The following CCSER1 variants were observed in gnomAD, a reference collection of about 807,000 sequenced individuals.
The protein encoded by CCSER1 is serine-rich coiled-coil domain-containing protein 1.
A neutral mutation model predicts 82.0 loss-of-function variants in CCSER1; 41 were observed. The observed-to-expected ratio is 0.50, with a 90% confidence interval of 0.39 to 0.65. CCSER1 has a LOEUF of 0.65. Among genes scored for constraint, CCSER1 ranks in the 30% least tolerant of loss-of-function variants. CCSER1 has a pLI of 0.00. For synonymous variants in CCSER1, 414 were observed against 383.9 expected (o/e 1.08, Z -0.92); for missense variants, 1,119 against 1,064.2 (o/e 1.05, Z -0.72).
intron 10 of CCSER1, among the ~76,000 whole-genome samples, chr4:91,440,149 C>A (rs1472302907): frequency 6.6e-6 from 1 of 152,152 alleles, no homozygotes; most frequent in Non-Finnish European, 1.5e-5. Flanking sequence ...CACCCCAAAT[C>A]AACAGAATAT....
chr4:90,957,196 G>A (rs1333245307), intron 9 of CCSER1, among the ~76,000 whole-genome samples: 22 of 136,018 alleles, frequency 1.6e-4, no homozygotes, highest in South Asian at 7.1e-4. Context: ...TCTGCCTCCC[G>A]GGTTCAAGCA....
At chr4:91,320,629 G>A (rs572647116) in intron 10 of CCSER1, among the ~76,000 whole-genome samples, 20 of 152,012 alleles carry the variant, frequency 1.3e-4, no homozygotes, top group African/African-American at 4.6e-4. Context: ...TTTGTTTCTG[G>A]CTCACTAGAG....
At chr4:91,139,003 T>C (rs72669231) in intron 10 of CCSER1, among the ~76,000 whole-genome samples, 4,137 of 152,282 alleles carry the variant, frequency 0.027, 71 homozygotes, top group Middle Eastern at 0.044. Context: ...TAGTACATCA[T>C]AGGTAGCTTT....
intron 6 of CCSER1, among the ~76,000 whole-genome samples, chr4:90,688,180 A>G (rs1735165903): frequency 6.6e-6 from 1 of 152,150 alleles, no homozygotes; most frequent in Non-Finnish European, 1.5e-5. Context: ...ATACTTCATT[A>G]GGGAATGAGA....
chr4:91,206,031 A>C (rs1333308322), intron 10 of CCSER1, among the ~76,000 whole-genome samples: 1 of 151,896 alleles, frequency 6.6e-6, no homozygotes, highest in Non-Finnish European at 1.5e-5. Context: ...GCGTAAGCTA[A>C]TACAGACATC....
At chr4:91,332,002 T>A (rs1269651942) in intron 10 of CCSER1, among the ~76,000 whole-genome samples, 1 of 152,144 alleles carries the variant, frequency 6.6e-6, no homozygotes, top group Non-Finnish European at 1.5e-5. Context: ...CAATTTGATG[T>A]CAATATAAAT....
chr4:91,010,910 G>A (rs926099322), intron 9 of CCSER1, among the ~76,000 whole-genome samples: 6 of 134,600 alleles, frequency 4.5e-5, no homozygotes, highest in African/African-American at 1.5e-4. Context: ...CTGGAAATTT[G>A]TAGATTTATT....
intron 10 of CCSER1, among the ~76,000 whole-genome samples, chr4:91,360,926 G>A (rs1471965476): frequency 2.0e-5 from 3 of 151,790 alleles, no homozygotes; most frequent in Non-Finnish European, 4.4e-5. Flanking sequence ...AATATGCCAG[G>A]AAGACTGATT....
At chr4:90,240,957 G>A (rs987834424) in intron 1 of CCSER1, among the ~76,000 whole-genome samples, 1 of 152,152 alleles carries the variant, frequency 6.6e-6, no homozygotes, top group African/African-American at 2.4e-5. Context: ...GAGTGTTTGA[G>A]CAGCTTTAGT....
chr4:90,906,913 T>TTG (rs1211078869), intron 8 of CCSER1, among the ~76,000 whole-genome samples: 1 of 152,124 alleles, frequency 6.6e-6, no homozygotes, highest in African/African-American at 2.4e-5. Flanking sequence ...TCCAAATTCA[T>TTG]TGTGTGTGTG....
intron 10 of CCSER1, among the ~76,000 whole-genome samples, chr4:91,182,727 A>G (rs1734157623): frequency 6.6e-6 from 1 of 152,232 alleles, no homozygotes; most frequent in South Asian, 2.1e-4. Context: ...ACACAGGCGG[A>G]AGACTCTCCT....
chr4:90,995,833 G>A (rs945982537), intron 9 of CCSER1, among the ~76,000 whole-genome samples: 4 of 151,824 alleles, frequency 2.6e-5, no homozygotes, highest in Non-Finnish European at 5.9e-5. Context: ...ACTCACAACT[G>A]GTCCTTAAAC....
intron 6 of CCSER1, among the ~76,000 whole-genome samples, chr4:90,665,244 AT>A (rs1731510580): frequency 6.6e-6 from 1 of 151,948 alleles, no homozygotes; most frequent in Non-Finnish European, 1.5e-5. Context: ...TATGTCATGT[AT>A]TTTCTGCGCT....
At position 90,458,889 on chromosome 4, in the gene CCSER1, A is replaced by G. The variant is rs1244076411; in HGVS notation, c.1604-9345A>G. The stretch of plus-strand genomic sequence containing the variant: ...AGCTTGAAAACCACTTAACCTAGGT[A>G]GCATCTTCTGCTCTAACTGGTGGCT... On this transcript the variant is annotated intron_variant, in intron 4 of 10. Coordinates refer to ENST00000509176, the MANE Select transcript of CCSER1 (RefSeq NM_001145065.2). 2.0e-5 allele frequency among the ~76,000 whole-genome samples: 3 copies of G among 152,346 alleles called. No homozygotes were observed. In the East Asian group the frequency reaches 5.8e-4, roughly 29 times the overall value.
intron 9 of CCSER1, among the ~76,000 whole-genome samples, chr4:91,075,810 CTTAG>C (rs947144097): frequency 6.6e-5 from 10 of 152,088 alleles, no homozygotes; most frequent in Middle Eastern, 3.4e-3. Flanking sequence ...AATGTTATTT[CTTAG>C]TTAGTTGGGG....
intron 9 of CCSER1, among the ~76,000 whole-genome samples, chr4:90,983,614 G>A (rs560429847): frequency 8.6e-5 from 13 of 151,580 alleles, no homozygotes; most frequent in African/African-American, 3.1e-4. Context: ...TTTCAAGCAA[G>A]ACTAACAATC....
At chr4:91,598,443 T>C in intron 10 of CCSER1, 129 bp from the exon 11 acceptor site, 1 of 952,760 alleles carries the variant, frequency 1.0e-6, no homozygotes, top group Non-Finnish European at 1.5e-6. Context: ...TTAATTGTAT[T>C]GATAATTTTA....
chr4:91,101,381 G>T (rs1271129337), intron 10 of CCSER1, among the ~76,000 whole-genome samples: 1 of 152,210 alleles, frequency 6.6e-6, no homozygotes, highest in Non-Finnish European at 1.5e-5. Flanking sequence ...AAGGTCAAAA[G>T]AACTGATAAG....
chr4:90,309,086 G>A lies in CCSER1; in HGVS notation c.802G>A (p.Val268Met). The A allele has an allele frequency of 6.2e-7, 1 of 1,613,896 alleles. No individual in the cohort carries two copies. Among genetic ancestry groups the A allele is most frequent in the Non-Finnish European group, 8.5e-7 (1 of 1,179,842 alleles). Residue 268 changes from valine (V) to methionine (M), a missense_variant, in exon 2 of 11, where the codon GTG becomes ATG. Coordinates refer to ENST00000509176, the MANE Select transcript of CCSER1 (RefSeq NM_001145065.2). ...ATTTTTAGCCTTGACTGAAGATTCT[G>A]TGTCTGAAATGGATGCATTTTCTAA... Reference protein sequence around the residue: ...SEFLALTEDSVSEMDAFSKSG... With the variant: ...SEFLALTEDSMSEMDAFSKSG...
Sources: allele counts gnomAD v4.1 joint callset (sites outside exome capture counted in the v4.1 genomes callset), GRCh38; gene constraint gnomAD v4.1.1; transcripts MANE v1.5; gene names NCBI Gene and HGNC (gene_info 2026-07-23, HGNC 2026-07-21).